Variants in LRRC53 observed in about 807,000 individuals in gnomAD.
The protein encoded by LRRC53 is leucine rich repeat containing 53.
LRRC53 carries 25 observed loss-of-function variants against 13.6 expected under a neutral mutation model. The ratio of observed to expected loss-of-function variants is 1.83; its 90% CI spans 1.34 to 2.56. The LOEUF is 2.56. LRRC53 is among the 30% of genes most tolerant of loss of function. The pLI, the probability that LRRC53 is intolerant of heterozygous loss-of-function variation, is 0.00. For missense variants in LRRC53, 527 were observed against 275.8 expected, an observed-to-expected ratio of 1.91 and a Z score of -6.45; for synonymous variants, 204 against 109.8, an observed-to-expected ratio of 1.86 and a Z score of -5.37.
chr1:74,496,255 C>A (rs1669321665), intron 1 of LRRC53, among the ~76,000 whole-genome samples: 1 of 152,074 alleles, frequency 6.6e-6, no homozygotes, highest in Non-Finnish European at 1.5e-5. Context: ...AAGAGAAAGC[C>A]AAGGTGAAAT....
chr1:74,536,023 T>C, the LRRC53 span, among the ~76,000 whole-genome samples: 7 of 152,294 alleles, frequency 4.6e-5, no homozygotes, highest in African/African-American at 1.7e-4. Flanking sequence ...CTCCTAGTAA[T>C]CAGTGTTTTT....
upstream of LRRC53, among the ~76,000 whole-genome samples, chr1:74,514,001 C>T (rs370947914): frequency 2.0e-5 from 3 of 152,268 alleles, no homozygotes; most frequent in East Asian, 3.9e-4. Context: ...TTGTACAGTG[C>T]CTGCCTCTCT....
chr1:74,524,176 T>C, the LRRC53 span, among the ~76,000 whole-genome samples: 4 of 152,254 alleles, frequency 2.6e-5, no homozygotes, highest in African/African-American at 7.2e-5. Flanking sequence ...GTGAAAAGTC[T>C]TTAAAACACA....
In LRRC53 at chr1:74,484,020, G is replaced by T. The variant is rs1035322090; in HGVS notation, c.-26-645C>A. ...TTCTTTTTATTTTTTGCTTTTTCAT[G>T]TGTAAAATAGAAATAATAAATGTCT... On this transcript the variant is annotated intron_variant, in intron 1 of 4. Coordinates refer to ENST00000294635, the MANE Select transcript of LRRC53 (RefSeq NM_001382280.1). 4.6e-5 allele frequency among the ~76,000 whole-genome samples: 7 copies of T among 151,928 alleles called. No individual in the cohort carries two copies. In the East Asian group the frequency reaches 1.4e-3, roughly 29 times the overall value.
At chr1:74,531,502 G>A in the LRRC53 span, among the ~76,000 whole-genome samples, 1 of 152,154 alleles carries the variant, frequency 6.6e-6, no homozygotes, top group East Asian at 1.9e-4. Context: ...GGAAGACACT[G>A]CAAAGCATAG....
At chr1:74,531,731 T>G in the LRRC53 span, among the ~76,000 whole-genome samples, 7 of 152,210 alleles carry the variant, frequency 4.6e-5, no homozygotes, top group African/African-American at 1.7e-4. Flanking sequence ...TCTGTTTAAG[T>G]ATTATTGTAT....
chr1:74,494,510 A>G (rs1570698253), intron 1 of LRRC53, among the ~76,000 whole-genome samples: 1 of 152,186 alleles, frequency 6.6e-6, no homozygotes, highest in Non-Finnish European at 1.5e-5. Context: ...CCCATAGGCC[A>G]AGACTACATT....
upstream of LRRC53, among the ~76,000 whole-genome samples, chr1:74,513,124 A>G (rs1467512700): frequency 6.6e-6 from 1 of 152,240 alleles, no homozygotes; most frequent in Admixed American, 6.5e-5. Flanking sequence ...CTCAGTCGAT[A>G]CTGTTTCACT....
At chr1:74,484,469 A>G (rs966507707) in intron 1 of LRRC53, among the ~76,000 whole-genome samples, 1 of 152,238 alleles carries the variant, frequency 6.6e-6, no homozygotes, top group Non-Finnish European at 1.5e-5. Context: ...AATATAAAAT[A>G]TGTATTAAGT....
At chr1:74,509,521 A>T (rs1336474039) in intron 1 of LRRC53, among the ~76,000 whole-genome samples, 3 of 152,190 alleles carry the variant, frequency 2.0e-5, no homozygotes, top group Non-Finnish European at 4.4e-5. Context: ...TTTATTGTTT[A>T]GGGCAAGATA....
chr1:74,481,959 C>T (rs1019908857), intron 2 of LRRC53, among the ~76,000 whole-genome samples: 1 of 152,126 alleles, frequency 6.6e-6, no homozygotes, highest in Non-Finnish European at 1.5e-5. Context: ...TTAAAAAATA[C>T]GTAAAAGACA....
chr1:74,523,201 G>A, the LRRC53 span, among the ~76,000 whole-genome samples: 18 of 152,142 alleles, frequency 1.2e-4, no homozygotes, highest in Non-Finnish European at 2.4e-4. Context: ...CACAGTTGCT[G>A]GGAAGATTAA....
At chr1:74,533,070 C>T in the LRRC53 span, among the ~76,000 whole-genome samples, 3 of 152,140 alleles carry the variant, frequency 2.0e-5, no homozygotes, top group Admixed American at 6.5e-5. Flanking sequence ...CAAATGGGAT[C>T]TAATTAAACT....
At chr1:74,506,604 C>G (rs914320981) in intron 1 of LRRC53, among the ~76,000 whole-genome samples, 4 of 152,190 alleles carry the variant, frequency 2.6e-5, no homozygotes, top group African/African-American at 9.7e-5. Context: ...ACTCACAGAC[C>G]AGCAGCTCTG....
intron 1 of LRRC53, among the ~76,000 whole-genome samples, chr1:74,508,326 T>A (rs1315587071): frequency 6.6e-6 from 1 of 152,274 alleles, no homozygotes; most frequent in African/African-American, 2.4e-5. Context: ...TACTGAGTTC[T>A]TATTTTGTAC....
the LRRC53 span, among the ~76,000 whole-genome samples, chr1:74,527,894 A>G: frequency 1.3e-5 from 2 of 152,026 alleles, no homozygotes; most frequent in African/African-American, 4.8e-5. Flanking sequence ...GGTGGATGGG[A>G]GTGGTGGGTG....
intron 1 of LRRC53, among the ~76,000 whole-genome samples, chr1:74,508,196 G>A (rs945390261): frequency 7.2e-5 from 11 of 152,204 alleles, no homozygotes; most frequent in Non-Finnish European, 1.6e-4. Flanking sequence ...GTTAATGGGT[G>A]CAGCACACCA....
chr1:74,520,797 T>G, the LRRC53 span, among the ~76,000 whole-genome samples: 4,184 of 152,120 alleles, frequency 0.028, 201 homozygotes, highest in African/African-American at 0.094. Flanking sequence ...AACATGTGGG[T>G]TGCAGCTGGG....
rs2100737878 is a variant in LRRC53 at position 74,471,549 on chromosome 1, C to G, written c.2073G>C (p.Trp691Cys). 5.0e-6 allele frequency: 2 copies of G among 400,660 alleles called. No homozygotes were observed. The highest frequency in any genetic ancestry group is 7.1e-5 in the East Asian group (2 of 28,060). The allele number at this position is 400,660 out of a possible 1,614,324, so 24.8% of individuals were successfully genotyped here. ...NTGERNKGEK[W>C]FTNSWVLKRK... ...TTTTCAGAACCCATGAATTAGTAAA[C>G]CATTTTTCTCCTTTGTTTCTCTCCC... is the stretch of plus-strand genomic sequence containing the variant. Residue 691 changes from tryptophan (W) to cysteine (C), a missense_variant, in exon 5 of 5, where the codon TGG becomes TGC. Physicochemically the swap from Trp to Cys is radical, Grantham distance 215. Coordinates refer to ENST00000294635, the MANE Select transcript of LRRC53 (RefSeq NM_001382280.1).
Sources: allele counts gnomAD v4.1 joint callset (sites outside exome capture counted in the v4.1 genomes callset), GRCh38; gene constraint gnomAD v4.1.1; transcripts MANE v1.5; gene names NCBI Gene and HGNC (gene_info 2026-07-23, HGNC 2026-07-21).